ADCY9: variants seen among roughly 807,000 people sequenced by gnomAD.
ADCY9 encodes the protein adenylate cyclase type 9.
A neutral mutation model predicts 101.5 loss-of-function variants in ADCY9; 50 were observed. That is an observed-to-expected ratio of 0.49 (90% CI 0.39 to 0.62). ADCY9 has a LOEUF of 0.62. ADCY9 is among the 20% of genes least tolerant of loss of function. ADCY9 has a pLI of 0.00. For synonymous variants in ADCY9, 905 were observed against 769.3 expected (o/e 1.18, Z -2.92); for missense variants, 1,662 against 1,800.4 (o/e 0.92, Z 1.39).
chr16:4,036,904 C>T (rs2056594106), intron 2 of ADCY9, among the ~76,000 whole-genome samples: 1 of 152,180 alleles, frequency 6.6e-6, no homozygotes, highest in African/African-American at 2.4e-5. Context: ...CTCCCCGCCA[C>T]TCACCCTTCC....
chr16:4,062,007 A>G (rs2056776416), intron 2 of ADCY9, among the ~76,000 whole-genome samples: 1 of 152,214 alleles, frequency 6.6e-6, no homozygotes, highest in South Asian at 2.1e-4. Context: ...ATTGAAAATG[A>G]ATTAGCATTA....
chr16:4,040,568 C>T (rs1357487655), intron 2 of ADCY9, among the ~76,000 whole-genome samples: 1 of 152,000 alleles, frequency 6.6e-6, no homozygotes. Flanking sequence ...GCGATCCTCC[C>T]ACTTCGGCCT....
At chr16:3,973,020 T>G (rs1393542922) in intron 10 of ADCY9, among the ~76,000 whole-genome samples, 1 of 152,206 alleles carries the variant, frequency 6.6e-6, no homozygotes, top group African/African-American at 2.4e-5. Flanking sequence ...AGTATAAATC[T>G]TGTACATATT....
chr16:4,053,539 A>G (rs1293669418), intron 2 of ADCY9, among the ~76,000 whole-genome samples: 1 of 152,212 alleles, frequency 6.6e-6, no homozygotes, highest in African/African-American at 2.4e-5. Context: ...TGTCGCCACA[A>G]TGGCTGATTG....
At chr16:4,106,959 C>A (rs1260947062) in intron 2 of ADCY9, among the ~76,000 whole-genome samples, 2 of 152,186 alleles carry the variant, frequency 1.3e-5, no homozygotes, top group Admixed American at 6.5e-5. Context: ...AAAAGACAGC[C>A]CTCCCTTCCT....
At chr16:3,968,757 G>C (rs993036624) in intron 10 of ADCY9, among the ~76,000 whole-genome samples, 1 of 152,132 alleles carries the variant, frequency 6.6e-6, no homozygotes, top group Admixed American at 6.6e-5. Context: ...GCGTATGGAA[G>C]TGCTGAGTCA....
chr16:4,048,605 C>T (rs1168282679), intron 2 of ADCY9, among the ~76,000 whole-genome samples: 1 of 152,220 alleles, frequency 6.6e-6, no homozygotes, highest in African/African-American at 2.4e-5. Flanking sequence ...AAGAATCACA[C>T]AGATAGGCCC....
At position 4,007,514 on chromosome 16, in the gene ADCY9, G is replaced by A. The variant is rs144065949; in HGVS notation, c.1738C>T (p.Arg580Cys). The A allele has an allele frequency of 1.1e-3, 1,803 of 1,613,488 alleles. 3 individuals are homozygous for A. The highest frequency in any genetic ancestry group is 1.3e-3 in the Non-Finnish European group (1,488 of 1,179,902). ...LISGQRAKESRCSCAEALLSG... is the reference protein window; with the variant it reads ...LISGQRAKESCCSCAEALLSG... Reference sequence around the variant, plus strand: ...AGCAAGGCCTCTGCACAGCTGCAGCGAGACTCCTTGGCTCTCTGACCCGAT... The same window carrying A: ...AGCAAGGCCTCTGCACAGCTGCAGCAAGACTCCTTGGCTCTCTGACCCGAT... The change falls in exon 3 of 11, where the codon CGC (arginine) becomes TGC (cysteine). Residue 580 changes from arginine (R) to cysteine (C), a missense_variant. Arg to Cys is a radical substitution (Grantham distance 180). Coordinates refer to ENST00000294016, the MANE Select transcript of ADCY9 (RefSeq NM_001116.4).
intron 2 of ADCY9, among the ~76,000 whole-genome samples, chr16:4,033,764 C>T (rs2056572096): frequency 1.3e-5 from 2 of 152,158 alleles, no homozygotes; most frequent in South Asian, 4.1e-4. Context: ...ACCAAAATGC[C>T]TGGGTTCAGA....
chr16:4,101,700 T>C lies in ADCY9; in HGVS notation c.1693+12050A>G, dbSNP rs997329375. On this transcript the variant is annotated intron_variant, in intron 2 of 10. Transcript: ENST00000294016. ...TTGCCAATGGTAGGAACCCATTCAA[T>C]ATTTAATGAATAAACAAATGAGTTT... Among the ~76,000 whole-genome samples, 10 of 152,168 alleles carry C rather than the reference T, an allele frequency of 6.6e-5. No individual in the cohort carries two copies. In the East Asian group the frequency reaches 1.7e-3, roughly 26 times the overall value.
intron 2 of ADCY9, among the ~76,000 whole-genome samples, chr16:4,045,929 T>C (rs1030928610): frequency 1.7e-4 from 25 of 143,864 alleles, no homozygotes; most frequent in African/African-American, 5.6e-4. Context: ...AGGCTGGTCT[T>C]GAACTCCTAG....
At chr16:4,079,914 T>C (rs2532014) in intron 2 of ADCY9, among the ~76,000 whole-genome samples, 53,595 of 151,908 alleles carry the variant, frequency 0.35, 10,018 homozygotes, top group East Asian at 0.52. Context: ...AAACATGTTT[T>C]ACTTTTATAA....
Position 3,992,474 on chromosome 16 carries a change from G to A in ADCY9, c.1990-111C>T, listed in dbSNP as rs537612800. On this transcript the variant is annotated intron_variant, in intron 4 of 10. Transcript: ENST00000294016. The surrounding 1 kb of genome is among the most constrained non-coding windows in gnomAD (Gnocchi z 4.2). ...GCTGCGGGGCGCTGCTGCACTGGGC[G>A]TGGGACTTTCTGACCTGCGAGGAAC... 2.4e-4 allele frequency: 237 copies of A among 993,014 alleles called. 1 individual carries two copies. The African/African-American group carries it at 3.3e-3, about 14-fold the overall frequency. The allele number at this position is 993,014 out of a possible 1,614,324, so 61.5% of individuals were successfully genotyped here.
chr16:4,046,285 TGCCCAGCACTGAACCA>T (rs2056664243), intron 2 of ADCY9, among the ~76,000 whole-genome samples: 5 of 152,126 alleles, frequency 3.3e-5, no homozygotes, highest in Admixed American at 3.3e-4. Flanking sequence ...CAACACCCAG[TGCCCAGCACTGAACCA>T]TAGCACATGC....
Position 4,059,360 on chromosome 16 carries a change from G to A in ADCY9, c.1694-51802C>T, listed in dbSNP as rs183455238. Among the ~76,000 whole-genome samples the A allele has an allele frequency of 2.4e-3, 292 of 121,208 alleles. 2 individuals are homozygous for A. The highest frequency in any genetic ancestry group is 8.9e-3 in the African/African-American group (271 of 30,604). The allele number at this position is 121,208 out of a possible 152,430, so 79.5% of individuals were successfully genotyped here. A position where few individuals can be genotyped will look rare whatever the true frequency, so the allele number is the denominator to read the frequency against. On this transcript the variant is annotated intron_variant, in intron 2 of 10. Coordinates refer to ENST00000294016, the MANE Select transcript of ADCY9 (RefSeq NM_001116.4). The stretch of plus-strand genomic sequence containing the variant: ...CATGCCACTGCACTCCAGCCTGGGC[G>A]ACACAGCGAGAATCCATCGAAAAAA...
At chr16:3,954,179 A>T (rs536489822) in intron 5 of ADCY9, among the ~76,000 whole-genome samples, 1 of 152,340 alleles carries the variant, frequency 6.6e-6, no homozygotes, top group South Asian at 2.1e-4. Flanking sequence ...GGCTTCTGAC[A>T]TGCAGAGCTG....
intron 2 of ADCY9, among the ~76,000 whole-genome samples, chr16:4,031,669 A>C (rs953222878): frequency 6.6e-6 from 1 of 151,252 alleles, no homozygotes; most frequent in African/African-American, 2.4e-5. Context: ...GGATTGTTTG[A>C]GCCCAGGAGT....
intron 2 of ADCY9, among the ~76,000 whole-genome samples, chr16:4,061,540 G>A (rs941699131): frequency 6.6e-6 from 1 of 152,026 alleles, no homozygotes; most frequent in Non-Finnish European, 1.5e-5. Flanking sequence ...AATTAACAGA[G>A]ACCAGAAAAC....
intron 2 of ADCY9, among the ~76,000 whole-genome samples, chr16:4,078,121 C>G (rs1434811063): frequency 6.6e-6 from 1 of 152,152 alleles, no homozygotes; most frequent in Non-Finnish European, 1.5e-5. Flanking sequence ...ACAACCCAGT[C>G]ACTCCACTCC....
Sources: gnomAD v4.1 joint callset for allele counts (sites outside exome capture counted in the v4.1 genomes callset) on GRCh38, gnomAD v4.1.1 for gene constraint, Gnocchi (gnomAD v3.1) non-coding constraint, MANE v1.5 for transcripts, NCBI Gene and HGNC (gene_info 2026-07-23, HGNC 2026-07-21) for gene names.